Variants in ITGBL1 observed in about 807,000 individuals in gnomAD.
The protein encoded by ITGBL1 is integrin beta-like protein 1.
In ITGBL1, 51 loss-of-function variants were observed where a neutral mutation model predicts 68.5. The ratio of observed to expected loss-of-function variants is 0.74; its 90% CI spans 0.59 to 0.94. The LOEUF (loss-of-function observed/expected upper bound fraction) is 0.94. Ranked by LOEUF, ITGBL1 falls within the 40% of genes least tolerant of loss-of-function variation. The pLI, the probability that ITGBL1 is intolerant of heterozygous loss-of-function variation, is 0.00. For synonymous variants in ITGBL1, 209 were observed against 227.3 expected (o/e 0.92, Z 0.72); for missense variants, 649 against 647.4 (o/e 1.00, Z -0.03).
At chr13:101,713,308 CTG>C (rs1393049175) in intron 9 of ITGBL1, 1 of 152,166 alleles carries the variant, frequency 6.6e-6, no homozygotes, top group African/African-American at 2.4e-5. Flanking sequence ...TTTTTAATCA[CTG>C]TGTTTTAAAA....
At chr13:101,701,343 G>A (rs558730763) in intron 8 of ITGBL1, among the ~76,000 whole-genome samples, 1 of 152,086 alleles carries the variant, frequency 6.6e-6, no homozygotes, top group African/African-American at 2.4e-5. Context: ...GACCATCCTG[G>A]CCAACACAGT....
intron 6 of ITGBL1, among the ~76,000 whole-genome samples, chr13:101,588,826 A>T (rs367762047): frequency 1.3e-5 from 2 of 152,174 alleles, no homozygotes; most frequent in Non-Finnish European, 1.5e-5. Context: ...ATCTCTACCA[A>T]ATGATTCCTT....
chr13:101,503,263 T>A lies in ITGBL1; in HGVS notation c.316+49163T>A, dbSNP rs183491841. On this transcript the variant is annotated intron_variant, in intron 2 of 10. Coordinates refer to ENST00000376180, the MANE Select transcript of ITGBL1 (RefSeq NM_004791.3). ...GTGTTGTACACATCTTTCCTAACCCTCTATTCCTTGGACTGTTTGTACTCA... is the reference window on the plus strand; with the variant it reads ...GTGTTGTACACATCTTTCCTAACCCACTATTCCTTGGACTGTTTGTACTCA... 7.9e-5 allele frequency among the ~76,000 whole-genome samples: 12 copies of A among 152,282 alleles called. 1 individual carries two copies. Among genetic ancestry groups the A allele is most frequent in the Admixed American group, 2.6e-4 (4 of 15,292 alleles).
chr13:101,629,571 A>T (rs949385322), intron 7 of ITGBL1, among the ~76,000 whole-genome samples: 2 of 152,194 alleles, frequency 1.3e-5, no homozygotes, highest in African/African-American at 4.8e-5. Flanking sequence ...TGAAAGATAT[A>T]GCATTTTTTC....
At chr13:101,472,008 A>G (rs1270856401) in intron 2 of ITGBL1, among the ~76,000 whole-genome samples, 5 of 102,860 alleles carry the variant, frequency 4.9e-5, no homozygotes, top group Admixed American at 8.6e-5. Context: ...AAGTATAACC[A>G]TATTAATCAA....
chr13:101,612,017 A>G (rs1461541011), intron 7 of ITGBL1, among the ~76,000 whole-genome samples: 6 of 152,198 alleles, frequency 3.9e-5, no homozygotes, highest in Admixed American at 2.0e-4. Context: ...TTCTTCAGTT[A>G]TGGCATTCTT....
intron 7 of ITGBL1, among the ~76,000 whole-genome samples, chr13:101,689,211 T>TAAAAAAAAAAAGAAAAAAAAA (rs2033824973): frequency 1.3e-5 from 1 of 74,868 alleles, no homozygotes; most frequent in Non-Finnish European, 2.6e-5. Flanking sequence ...AGACTCTGCC[T>TAAAAAAAAAAAGAAAAAAAAA]AAAAAAAAAA....
intron 2 of ITGBL1, among the ~76,000 whole-genome samples, chr13:101,467,163 T>TTAATACTGTCACGTTG (rs1404035099): frequency 6.6e-6 from 1 of 152,174 alleles, no homozygotes; most frequent in Non-Finnish European, 1.5e-5. Flanking sequence ...ACCCACCTTC[T>TTAATACTGTCACGTTG]TAATACTGTC....
chr13:101,646,088 C>T (rs2032546366), intron 7 of ITGBL1, among the ~76,000 whole-genome samples: 1 of 152,126 alleles, frequency 6.6e-6, no homozygotes, highest in African/African-American at 2.4e-5. Context: ...GGACAGTATC[C>T]ACCTTTGATT....
intron 2 of ITGBL1, among the ~76,000 whole-genome samples, chr13:101,487,304 C>A (rs1566697447): frequency 6.6e-6 from 1 of 152,130 alleles, no homozygotes; most frequent in Non-Finnish European, 1.5e-5. Flanking sequence ...CTGTTGATAA[C>A]AGCCTGTCCT....
At chr13:101,635,088 A>T (rs1378444752) in intron 7 of ITGBL1, among the ~76,000 whole-genome samples, 1 of 152,104 alleles carries the variant, frequency 6.6e-6, no homozygotes, top group African/African-American at 2.4e-5. Flanking sequence ...ATTGTATATT[A>T]TATAGTCAAA....
At chr13:101,623,377 A>G (rs996472073) in intron 7 of ITGBL1, among the ~76,000 whole-genome samples, 11 of 152,148 alleles carry the variant, frequency 7.2e-5, no homozygotes, top group Non-Finnish European at 1.6e-4. Flanking sequence ...TTTGTGAAAT[A>G]AAATCAAGTT....
intron 2 of ITGBL1, among the ~76,000 whole-genome samples, chr13:101,507,230 A>G (rs979306751): frequency 6.6e-6 from 1 of 152,100 alleles, no homozygotes; most frequent in Non-Finnish European, 1.5e-5. Flanking sequence ...TGCTTTTCCT[A>G]CCAGAAGTTC....
intron 7 of ITGBL1, among the ~76,000 whole-genome samples, chr13:101,641,967 G>T (rs1048614638): frequency 3.8e-4 from 57 of 151,968 alleles, no homozygotes; most frequent in Non-Finnish European, 6.9e-4. Flanking sequence ...TGTCATTGTT[G>T]GACATTTGGG....
At chr13:101,673,042 A>T (rs2033415520) in intron 7 of ITGBL1, among the ~76,000 whole-genome samples, 1 of 152,196 alleles carries the variant, frequency 6.6e-6, no homozygotes, top group Non-Finnish European at 1.5e-5. Context: ...AGTTCACCAA[A>T]CTGTCGAATG....
chr13:101,599,464 A>G (rs61976185), intron 7 of ITGBL1, among the ~76,000 whole-genome samples: 34 of 137,178 alleles, frequency 2.5e-4, no homozygotes, highest in South Asian at 9.4e-4. Context: ...GTCAATTTTG[A>G]CTTTTGTTGC....
chr13:101,531,317 T>C (rs114254974), intron 2 of ITGBL1, among the ~76,000 whole-genome samples: 5 of 152,204 alleles, frequency 3.3e-5, no homozygotes, highest in African/African-American at 1.2e-4. Context: ...TGAATTGCAG[T>C]TTAACTTAGC....
chr13:101,703,194 A>G (rs915207723), intron 8 of ITGBL1, among the ~76,000 whole-genome samples: 1 of 151,982 alleles, frequency 6.6e-6, no homozygotes, highest in Non-Finnish European at 1.5e-5. Flanking sequence ...AAAATAAGGT[A>G]TTACAGAAAT....
At chr13:101,547,287 AACAT>A (rs1177246388) in intron 2 of ITGBL1, among the ~76,000 whole-genome samples, 1 of 151,908 alleles carries the variant, frequency 6.6e-6, no homozygotes, top group Non-Finnish European at 1.5e-5. Context: ...CTAGCTATTG[AACAT>A]ATTAAGCTCA....
Sources: gnomAD v4.1 joint callset for allele counts (sites outside exome capture counted in the v4.1 genomes callset) on GRCh38, gnomAD v4.1.1 for gene constraint, MANE v1.5 for transcripts, NCBI Gene and HGNC (gene_info 2026-07-23, HGNC 2026-07-21) for gene names.